Variants in GLCE observed in about 807,000 individuals in gnomAD.
GLCE encodes glucuronic acid epimerase, also known as D-glucuronyl C5-epimerase.
Under a neutral mutation model 47.9 loss-of-function variants are expected in GLCE, and 19 were observed. That is an observed-to-expected ratio of 0.40 (90% confidence interval 0.28 to 0.58). GLCE has a LOEUF of 0.58. GLCE is among the 20% of genes least tolerant of loss of function. The pLI, the probability that GLCE is intolerant of heterozygous loss-of-function variation, is 0.48. For synonymous variants in GLCE, 245 were observed against 263.4 expected (o/e 0.93, Z 0.68); for missense variants, 556 against 743.3 (o/e 0.75, Z 2.93).
chr15:69,249,098 T>G (rs2052799092), intron 2 of GLCE, among the ~76,000 whole-genome samples: 3 of 152,126 alleles, frequency 2.0e-5, no homozygotes, highest in Admixed American at 2.0e-4. Flanking sequence ...TTAGATAAGG[T>G]GGCCAGGGAA....
rs1369283574 is a variant in GLCE, at chr15:69,235,736, A to G, written c.-13-20058A>G. On this transcript the variant is annotated intron_variant, in intron 2 of 4. Transcript: ENST00000261858. The stretch of plus-strand genomic sequence containing the variant: ...TTTAATTAGTTTCTTCTATATTTTC[A>G]TAGCATTTATTACTCAAAAACAAAA... 4.6e-5 allele frequency among the ~76,000 whole-genome samples: 7 copies of G among 152,320 alleles called. No homozygotes were observed. In the South Asian group the frequency reaches 8.3e-4, roughly 18 times the overall value.
At chr15:69,168,556 G>A (rs1037277421) in intron 1 of GLCE, among the ~76,000 whole-genome samples, 2 of 150,652 alleles carry the variant, frequency 1.3e-5, no homozygotes, top group Admixed American at 6.6e-5. Context: ...TTTTTGAGAC[G>A]GAGTTTCGCT....
intron 3 of GLCE, among the ~76,000 whole-genome samples, chr15:69,258,682 G>A (rs191023506): frequency 6.6e-6 from 1 of 152,102 alleles, no homozygotes; most frequent in Non-Finnish European, 1.5e-5. Context: ...ATCACATCAG[G>A]GTTAATGGTG....
chr15:69,259,616 G>A (rs996994431), intron 3 of GLCE, among the ~76,000 whole-genome samples: 44 of 152,144 alleles, frequency 2.9e-4, no homozygotes, highest in African/African-American at 5.5e-4. Context: ...TGGAATATTC[G>A]TCATTATACT....
chr15:69,227,971 A>G (rs2052472444), intron 2 of GLCE, among the ~76,000 whole-genome samples: 1 of 152,210 alleles, frequency 6.6e-6, no homozygotes, highest in Non-Finnish European at 1.5e-5. Flanking sequence ...GAAAATTGTC[A>G]CATCAAGTAT....
chr15:69,167,218 A>G (rs1348648755), intron 1 of GLCE, among the ~76,000 whole-genome samples: 1 of 152,200 alleles, frequency 6.6e-6, no homozygotes, highest in Non-Finnish European at 1.5e-5. Flanking sequence ...CATCTCAAAA[A>G]CAAAAAACAA....
At chr15:69,229,432 T>C (rs1487810527) in intron 2 of GLCE, among the ~76,000 whole-genome samples, 3 of 152,060 alleles carry the variant, frequency 2.0e-5, no homozygotes, top group African/African-American at 7.2e-5. Context: ...GGTTCAGAGA[T>C]GACAAGGAAT....
chr15:69,258,808 T>G (rs2052971953), intron 3 of GLCE, among the ~76,000 whole-genome samples: 1 of 152,228 alleles, frequency 6.6e-6, no homozygotes. Flanking sequence ...ATCTGGTATT[T>G]GGTAGCACAA....
chr15:69,230,224 A>C (rs1461372713), intron 2 of GLCE, among the ~76,000 whole-genome samples: 2 of 152,044 alleles, frequency 1.3e-5, no homozygotes, highest in Non-Finnish European at 2.9e-5. Context: ...AAAAAAAAAA[A>C]AAACGAAAAG....
chr15:69,266,875 C>T (rs1304017910), intron 4 of GLCE: 1 of 161,102 alleles, frequency 6.2e-6, no homozygotes, highest in African/African-American at 2.4e-5. Context: ...GCCTACATAT[C>T]TTCACCTCTA....
chr15:69,259,008 G>T (rs1385727846), intron 3 of GLCE, among the ~76,000 whole-genome samples: 1 of 152,154 alleles, frequency 6.6e-6, no homozygotes, highest in Non-Finnish European at 1.5e-5. Context: ...CAGAAAGGTG[G>T]AACTTGCTCA....
intron 1 of GLCE, among the ~76,000 whole-genome samples, chr15:69,164,342 A>G (rs1595729443): frequency 6.6e-6 from 1 of 151,970 alleles, no homozygotes; most frequent in East Asian, 1.9e-4. Flanking sequence ...AAAGGAAATC[A>G]TAAGACATGA....
chr15:69,232,115 TGGAGTA>T (rs992112485), intron 2 of GLCE, among the ~76,000 whole-genome samples: 35 of 152,310 alleles, frequency 2.3e-4, no homozygotes, highest in African/African-American at 7.7e-4. Context: ...TACGTTTGGA[TGGAGTA>T]AAGTAGGCTA....
intron 2 of GLCE, among the ~76,000 whole-genome samples, chr15:69,249,377 C>T (rs140066068): frequency 4.6e-5 from 7 of 152,156 alleles, no homozygotes; most frequent in East Asian, 1.9e-4. Flanking sequence ...TTTCTGCCTG[C>T]GAATCTGTCC....
chr15:69,215,605 G>A (rs2052296741), intron 2 of GLCE, among the ~76,000 whole-genome samples: 1 of 151,860 alleles, frequency 6.6e-6, no homozygotes, highest in South Asian at 2.1e-4. Context: ...TCACTTGAGT[G>A]AATACCTAGG....
In GLCE at chr15:69,260,045, A is replaced by G. The variant is rs192620670; in HGVS notation, c.587-1042A>G. 9.2e-4 allele frequency among the ~76,000 whole-genome samples: 140 copies of G among 152,342 alleles called. 3 individuals are homozygous for G. In the East Asian group the frequency reaches 0.019, roughly 20 times the overall value. On this transcript the variant is annotated intron_variant, in intron 3 of 4. Transcript: ENST00000261858. ...AGCTCCTAAGTAGTAAATTACTAAG[A>G]AAAACACTAATACCAAACATTTAAA... is the stretch of plus-strand genomic sequence containing the variant.
intron 1 of GLCE, among the ~76,000 whole-genome samples, chr15:69,175,613 T>C (rs2051651216): frequency 6.6e-6 from 1 of 152,220 alleles, no homozygotes; most frequent in African/African-American, 2.4e-5. Flanking sequence ...TCTATATTCT[T>C]CATTCCCTGT....
chr15:69,259,327 G>T (rs1226108765), intron 3 of GLCE, among the ~76,000 whole-genome samples: 6 of 151,932 alleles, frequency 3.9e-5, no homozygotes, highest in African/African-American at 1.5e-4. Flanking sequence ...ATGATTTGTT[G>T]GTTTTAGAAG....
At chr15:69,168,656 C>T (rs1372533150) in intron 1 of GLCE, among the ~76,000 whole-genome samples, 3 of 152,010 alleles carry the variant, frequency 2.0e-5, no homozygotes, top group Non-Finnish European at 4.4e-5. Context: ...CCTCAGCCTC[C>T]TGAGTAGCTG....
Sources: gnomAD v4.1 joint callset for allele counts (sites outside exome capture counted in the v4.1 genomes callset) on GRCh38, gnomAD v4.1.1 for gene constraint, MANE v1.5 for transcripts, NCBI Gene and HGNC (gene_info 2026-07-23, HGNC 2026-07-21) for gene names.